Variants in APP observed in about 807,000 individuals in gnomAD.
APP encodes the protein amyloid beta precursor protein, also known as amyloid-beta precursor protein.
In APP, 31 loss-of-function variants were observed where a neutral mutation model predicts 101.4. The observed-to-expected ratio is 0.31, with a 90% CI of 0.23 to 0.41. The LOEUF is 0.41. Ranked by LOEUF, APP falls within the 10% of genes least tolerant of loss-of-function variation. APP has a pLI of 1.00. For missense variants in APP, 839 were observed against 1,003.7 expected, an observed-to-expected ratio of 0.84 and a Z score of 2.22; for synonymous variants, 366 against 364.4, an observed-to-expected ratio of 1.00 and a Z score of -0.05.
At chr21:26,067,519 G>A (rs9974885) in intron 3 of APP, among the ~76,000 whole-genome samples, 11,913 of 152,234 alleles carry the variant, frequency 0.078, 589 homozygotes, top group African/African-American at 0.14. Flanking sequence ...ACCATAATAA[G>A]CTTGAATACA....
rs3787636 is a variant in APP, at chr21:25,999,019, A to T, written c.1033+996T>A. ...TGAAAATTATGTTCTGGCGGGGTGC[A>T]GTGGCTCACGCCTGTAATCCCAGCA... On this transcript the variant is annotated intron_variant, in intron 7 of 17. Coordinates refer to ENST00000346798, the MANE Select transcript of APP (RefSeq NM_000484.4). Among the ~76,000 whole-genome samples, 7 of 152,252 alleles carry T rather than the reference A, an allele frequency of 4.6e-5. No homozygotes were observed. The South Asian group carries it at 1.4e-3, about 32-fold the overall frequency.
intron 11 of APP, 95 bp downstream of exon 11, chr21:25,974,975 C>T: frequency 6.5e-7 from 1 of 1,548,870 alleles, no homozygotes; most frequent in Non-Finnish European, 8.8e-7. Flanking sequence ...AGGCATTTCT[C>T]CTCATTCTTT....
chr21:26,054,620 G>GTTTTTTTTTTTTTTTTTTTTTTTTTTTTT (rs369608335), intron 3 of APP, among the ~76,000 whole-genome samples: 1 of 107,994 alleles, frequency 9.3e-6, no homozygotes. Context: ...TAGGCCAAAA[G>GTTTTTTTTTTTTTTTTTTTTTTTTTTTTT]TTTTTTTTTT....
chr21:25,965,050 T>C (rs2041739098), intron 11 of APP, among the ~76,000 whole-genome samples: 1 of 152,222 alleles, frequency 6.6e-6, no homozygotes, highest in Non-Finnish European at 1.5e-5. Flanking sequence ...CACAACCCCA[T>C]GATTCATGCT....
intron 14 of APP, among the ~76,000 whole-genome samples, chr21:25,911,069 T>C (rs780167444): frequency 4.6e-5 from 7 of 152,254 alleles, no homozygotes; most frequent in Non-Finnish European, 1.0e-4. Context: ...GGGAACAATA[T>C]ACCTCACAGT....
intron 3 of APP, among the ~76,000 whole-genome samples, chr21:26,057,993 T>C (rs1230073317): frequency 6.6e-6 from 1 of 152,202 alleles, no homozygotes; most frequent in African/African-American, 2.4e-5. Context: ...AGACCACATG[T>C]CAAACCGTGG....
At chr21:26,135,618 C>T (rs1024294429) in intron 1 of APP, among the ~76,000 whole-genome samples, 2 of 152,130 alleles carry the variant, frequency 1.3e-5, no homozygotes, top group Non-Finnish European at 2.9e-5. Context: ...CAAACTCATT[C>T]CTAAGCAAGT....
intron 6 of APP, among the ~76,000 whole-genome samples, chr21:26,010,756 G>A (rs560464157): frequency 7.5e-6 from 1 of 134,182 alleles, no homozygotes; most frequent in South Asian, 2.5e-4. Flanking sequence ...GGGCAGCAGA[G>A]GTTGCAGTGA....
At chr21:26,141,264 G>A (rs1030384471) in intron 1 of APP, among the ~76,000 whole-genome samples, 1 of 152,136 alleles carries the variant, frequency 6.6e-6, no homozygotes, top group African/African-American at 2.4e-5. Context: ...TACAAGCACA[G>A]ATTAACTCAA....
chr21:25,886,517 C>T (rs1316739774), intron 17 of APP, among the ~76,000 whole-genome samples: 2 of 152,076 alleles, frequency 1.3e-5, no homozygotes, highest in Non-Finnish European at 2.9e-5. Flanking sequence ...CCTCAGCCTC[C>T]TGAGTAGCTG....
intron 1 of APP, among the ~76,000 whole-genome samples, chr21:26,144,100 A>G (rs2063104491): frequency 6.6e-6 from 1 of 152,108 alleles, no homozygotes; most frequent in Admixed American, 6.5e-5. Context: ...AAGAAGTGCC[A>G]AGCAAAAGGG....
At chr21:26,042,792 T>C (rs1601303293) in intron 5 of APP, among the ~76,000 whole-genome samples, 1 of 152,150 alleles carries the variant, frequency 6.6e-6, no homozygotes, top group African/African-American at 2.4e-5. Flanking sequence ...GCAATGTGTT[T>C]GTAGTCTTAG....
At chr21:26,095,140 G>A (rs1001686372) in intron 2 of APP, among the ~76,000 whole-genome samples, 10 of 152,108 alleles carry the variant, frequency 6.6e-5, no homozygotes, top group Admixed American at 4.6e-4. Context: ...CACCGTGCCC[G>A]GCCTATATTT....
intron 2 of APP, among the ~76,000 whole-genome samples, chr21:26,107,730 C>T (rs1341559051): frequency 1.3e-5 from 2 of 152,090 alleles, no homozygotes; most frequent in African/African-American, 4.8e-5. Context: ...CCCTTTGTGA[C>T]CCTTTGTGAA....
intron 1 of APP, among the ~76,000 whole-genome samples, chr21:26,152,782 T>C (rs1026278225): frequency 1.3e-5 from 2 of 152,194 alleles, no homozygotes; most frequent in Non-Finnish European, 1.5e-5. Flanking sequence ...TCCAGCAATC[T>C]TAATACTGGG....
intron 1 of APP, among the ~76,000 whole-genome samples, chr21:26,163,994 C>G (rs45619733): frequency 0.02 from 3,074 of 152,296 alleles, 117 homozygotes; most frequent in African/African-American, 0.07. Context: ...CGCCTGTAAT[C>G]GCAGCACTTT....
At chr21:26,007,071 TAA>T in intron 6 of APP, among the ~76,000 whole-genome samples, 1 of 152,126 alleles carries the variant, frequency 6.6e-6, no homozygotes, top group East Asian at 1.9e-4. Context: ...AACTTTTTTT[TAA>T]AAGGCAACAT....
intron 17 of APP, among the ~76,000 whole-genome samples, chr21:25,889,114 C>A (rs1285865063): frequency 6.6e-6 from 1 of 152,170 alleles, no homozygotes; most frequent in East Asian, 1.9e-4. Flanking sequence ...TAAAACGTGT[C>A]CCCCTAGAAT....
chr21:25,960,248 C>T (rs2041519350), intron 11 of APP, among the ~76,000 whole-genome samples: 1 of 152,108 alleles, frequency 6.6e-6, no homozygotes, highest in Non-Finnish European at 1.5e-5. Flanking sequence ...CCTCTGGAGT[C>T]TCAGTAAATT....
Sources: allele counts gnomAD v4.1 joint callset (sites outside exome capture counted in the v4.1 genomes callset), GRCh38; gene constraint gnomAD v4.1.1; transcripts MANE v1.5; gene names NCBI Gene and HGNC (gene_info 2026-07-23, HGNC 2026-07-21).